FKBP5: variants seen among roughly 807,000 people sequenced by gnomAD.
FKBP5 encodes peptidyl-prolyl cis-trans isomerase FKBP5.
FKBP5 carries 23 observed loss-of-function variants against 50.5 expected under a neutral mutation model. The ratio of observed to expected loss-of-function variants is 0.46; its 90% confidence interval spans 0.33 to 0.65. The LOEUF (loss-of-function observed/expected upper bound fraction) is 0.65, where lower values mean the gene tolerates loss of function less well. Ranked by LOEUF, FKBP5 falls within the 30% of genes least tolerant of loss-of-function variation. The probability of loss-of-function intolerance (pLI) is 0.02; values close to 1 mark genes in which losing one functional copy is unlikely to be tolerated. For missense variants in FKBP5, 411 were observed against 553.1 expected, an observed-to-expected ratio of 0.74 and a Z score of 2.58; for synonymous variants, 176 against 190.6, an observed-to-expected ratio of 0.92 and a Z score of 0.63.
rs949515604 is a variant in FKBP5 at position 35,712,635 on chromosome 6, G to A, written c.-20+7693C>T. Among the ~76,000 whole-genome samples, 10 of 152,224 alleles carry A rather than the reference G, an allele frequency of 6.6e-5. No individual in the cohort carries two copies. In the South Asian group the frequency reaches 1.5e-3, roughly 22 times the overall value. ...CCTGTCCTAGTTCTCAGAGATCCGA[G>A]GGCTGTCATTGCATAGCTAGATCCT... On this transcript the variant is annotated intron_variant, in intron 2 of 11. Transcript: ENST00000536438.
intron 8 of FKBP5, chr6:35,582,055 T>A: frequency 1.0e-6 from 1 of 985,460 alleles, no homozygotes; most frequent in African/African-American, 1.7e-5. Flanking sequence ...TGGTGTGGAT[T>A]TTCTGGTGAT....
chr6:35,698,539 C>T (rs543432375), intron 2 of FKBP5, among the ~76,000 whole-genome samples: 2 of 151,824 alleles, frequency 1.3e-5, no homozygotes, highest in Non-Finnish European at 1.5e-5. Flanking sequence ...CCCAGCTTCT[C>T]GGGTGGCTGA....
Position 35,587,018 on chromosome 6 carries a change from A to C in FKBP5, c.840+16T>G. The C allele has an allele frequency of 6.2e-7, 1 of 1,614,000 alleles. No individual in the cohort carries two copies. The highest frequency in any genetic ancestry group is 8.5e-7 in the Non-Finnish European group (1 of 1,179,840). On this transcript the variant is annotated intron_variant, in intron 8 of 10. Transcript: ENST00000357266. ...AATTCTTTGAGATGGAAAGGATTGC[A>C]TAGGGACTCACACACCTTGAAGTAT...
chr6:35,630,188 G>A (rs1031156301), intron 3 of FKBP5, among the ~76,000 whole-genome samples: 2 of 151,900 alleles, frequency 1.3e-5, no homozygotes, highest in Non-Finnish European at 2.9e-5. Context: ...GAGAGAGAGA[G>A]AGAGCGAGCG....
chr6:35,696,290 T>TG (rs1171905034), intron 2 of FKBP5, among the ~76,000 whole-genome samples: 1 of 151,318 alleles, frequency 6.6e-6, no homozygotes, highest in East Asian at 1.9e-4. Flanking sequence ...GGGAGGCAGG[T>TG]GGAAGGAGTG....
At chr6:35,632,984 T>A (rs188549712) in intron 3 of FKBP5, among the ~76,000 whole-genome samples, 47 of 152,004 alleles carry the variant, frequency 3.1e-4, no homozygotes, top group Non-Finnish European at 7.4e-5. Context: ...CAAGTGTAGG[T>A]ATAGCTTGAA....
At chr6:35,710,341 G>A (rs918379131) in intron 2 of FKBP5, among the ~76,000 whole-genome samples, 25 of 152,208 alleles carry the variant, frequency 1.6e-4, no homozygotes, top group African/African-American at 6.0e-4. Context: ...AACTGGGCAT[G>A]GTGGTGTGCC....
At chr6:35,585,251 G>A in intron 8 of FKBP5, 1 of 979,656 alleles carries the variant, frequency 1.0e-6, no homozygotes, top group Non-Finnish European at 1.2e-6. Context: ...TACTGTTAAG[G>A]ACTCACGATC....
chr6:35,635,026 CAAAA>C (rs35794477), intron 3 of FKBP5, among the ~76,000 whole-genome samples: 1 of 75,136 alleles, frequency 1.3e-5, no homozygotes. Flanking sequence ...CCTGTCTCTA[CAAAA>C]AAAAAAAAAA....
intron 3 of FKBP5, among the ~76,000 whole-genome samples, chr6:35,633,998 T>TA (rs1445580002): frequency 6.6e-6 from 1 of 152,182 alleles, no homozygotes; most frequent in African/African-American, 2.4e-5. Context: ...AACTTGTATT[T>TA]AAAAAAAATA....
upstream of FKBP5, among the ~76,000 whole-genome samples, chr6:35,691,862 G>A (rs1367389837): frequency 6.6e-6 from 1 of 152,176 alleles, no homozygotes. Context: ...CCAGTTCCAT[G>A]GGTATGTGAC....
chr6:35,717,398 GT>G (rs1766530240), intron 2 of FKBP5, among the ~76,000 whole-genome samples: 3 of 152,244 alleles, frequency 2.0e-5, no homozygotes, highest in African/African-American at 7.2e-5. Context: ...ATTCATGTAT[GT>G]GTGAGTGTGT....
intron 1 of FKBP5, among the ~76,000 whole-genome samples, chr6:35,686,071 CTTG>C (rs989010544): frequency 1.3e-5 from 2 of 151,400 alleles, no homozygotes; most frequent in African/African-American, 4.9e-5. Context: ...AATGTAAGCC[CTTG>C]TTTTCTGTAG....
At position 35,619,103 on chromosome 6, in the gene FKBP5, T is replaced by A. The variant is rs779814853; in HGVS notation, c.501A>T (p.Thr167=). 68 of 1,610,230 alleles carry A rather than the reference T, an allele frequency of 4.2e-5. No homozygotes were observed. The highest frequency in any genetic ancestry group is 5.6e-5 in the Non-Finnish European group (66 of 1,176,594). ...TCTTACTTTAATACTTACTTTCTAC[T>A]GTTGCTCCTTCGTTTGGATTTGAAT... is the stretch of plus-strand genomic sequence containing the variant. ...EGYSNPNEGA[T]VEIHLEGRCG... The change falls in exon 5 of 11, where the codon ACA becomes ACT. Residue 167 remains threonine, a synonymous_variant. Coordinates refer to ENST00000357266, the MANE Select transcript of FKBP5 (RefSeq NM_004117.4).
At chr6:35,704,125 C>T (rs1173919715) in intron 2 of FKBP5, among the ~76,000 whole-genome samples, 1 of 152,184 alleles carries the variant, frequency 6.6e-6, no homozygotes, top group Non-Finnish European at 1.5e-5. Context: ...TAATGATACA[C>T]CTGGTTTCTG....
intron 2 of FKBP5, among the ~76,000 whole-genome samples, chr6:35,717,198 A>T (rs1273748723): frequency 6.6e-6 from 1 of 152,240 alleles, no homozygotes; most frequent in East Asian, 1.9e-4. Flanking sequence ...CCAGTTGGAT[A>T]CAAAGCCAGA....
At chr6:35,682,011 C>T (rs938054891) in intron 1 of FKBP5, among the ~76,000 whole-genome samples, 1 of 152,142 alleles carries the variant, frequency 6.6e-6, no homozygotes, top group Non-Finnish European at 1.5e-5. Flanking sequence ...AAGTTTATGT[C>T]TTAACCTAAC....
intron 6 of FKBP5, among the ~76,000 whole-genome samples, chr6:35,594,500 A>C (rs923767651): frequency 6.6e-6 from 1 of 152,234 alleles, no homozygotes; most frequent in East Asian, 1.9e-4. Flanking sequence ...CCATACTTAT[A>C]GCAACATTTA....
intron 8 of FKBP5, chr6:35,581,905 T>C (rs1762444378): frequency 1.0e-6 from 1 of 985,484 alleles, no homozygotes; most frequent in African/African-American, 1.7e-5. Context: ...GAGTTGTCTC[T>C]CCCCACAAAT....
Sources: allele counts gnomAD v4.1 joint callset (sites outside exome capture counted in the v4.1 genomes callset), GRCh38; gene constraint gnomAD v4.1.1; transcripts MANE v1.5; gene names NCBI Gene and HGNC (gene_info 2026-07-23, HGNC 2026-07-21).